ELOF1: variants seen among roughly 807,000 people sequenced by gnomAD.
ELOF1 encodes elongation factor 1.
ELOF1 carries 4 observed loss-of-function variants against 7.1 expected under a neutral mutation model. The observed-to-expected ratio is 0.56, with a 90% confidence interval of 0.28 to 1.29. The LOEUF (loss-of-function observed/expected upper bound fraction) is 1.29. ELOF1 is among the 50% of genes most tolerant of loss of function. ELOF1 has a pLI of 0.10. For missense variants in ELOF1, 59 were observed against 86.3 expected, an observed-to-expected ratio of 0.68 and a Z score of 1.25; for synonymous variants, 31 against 31.9, an observed-to-expected ratio of 0.97 and a Z score of 0.09.
At chr19:11,553,850 C>T (rs759074822) in intron 3 of ELOF1, 40 bp from the exon 4 acceptor site, 1 of 1,613,830 alleles carries the variant, frequency 6.2e-7, no homozygotes, top group Non-Finnish European at 8.5e-7. Flanking sequence ...GGCATTGGAA[C>T]CCTGCCCTGC....
rs752091371 is a variant in ELOF1 at position 11,554,101 on chromosome 19, G to A, written c.117-20C>T. On this transcript the variant is annotated intron_variant, in intron 2 of 3. Coordinates refer to ENST00000586683, the Ensembl canonical transcript of ELOF1. ...CGGTCCCTGAAACAGACCAAGAGAA[G>A]GGACTGGTGAGCAATGCGTCCTGGG... 2.4e-5 allele frequency: 38 copies of A among 1,614,106 alleles called. No homozygotes were observed. The highest frequency in any genetic ancestry group is 3.0e-5 in the Non-Finnish European group (35 of 1,180,052).
chr19:11,554,477 G>GC lies in ELOF1; in HGVS notation c.-18-113dup, dbSNP rs1370409858. The GC allele has an allele frequency of 2.8e-6, 4 of 1,449,166 alleles. No homozygotes were observed. The African/African-American group carries it at 5.7e-5, about 21-fold the overall frequency. The allele number at this position is 1,449,166 out of a possible 1,614,324, so 89.8% of individuals were successfully genotyped here. A position where few individuals can be genotyped will look rare whatever the true frequency, so the allele number is the denominator to read the frequency against. On this transcript the variant is annotated intron_variant, in intron 1 of 3. Transcript: ENST00000586683. The stretch of plus-strand genomic sequence containing the variant: ...CTGGGACTTGCACCGTGGTCCCGGG[G>GC]CCTCTGCCCTTGAGGGACGAGGCCC...
chr19:11,558,623 C>T (rs538232286), intron 1 of ELOF1, among the ~76,000 whole-genome samples: 1 of 151,168 alleles, frequency 6.6e-6, no homozygotes, highest in Non-Finnish European at 1.5e-5. Context: ...CCCAGCTACT[C>T]GGCAAGCTGA....
At chr19:11,558,461 T>A (rs1380784490) in intron 1 of ELOF1, among the ~76,000 whole-genome samples, 1 of 152,016 alleles carries the variant, frequency 6.6e-6, no homozygotes, top group Non-Finnish European at 1.5e-5. Context: ...CTTGTAACTC[T>A]ATCACTTTGG....
chr19:11,553,404 G>C, intron 3 of ELOF1: 1 of 466,856 alleles, frequency 2.1e-6, no homozygotes, highest in Non-Finnish European at 3.8e-6. Flanking sequence ...TGGGGGGCCA[G>C]GGGCTGCAGG....
chr19:11,553,937 T>C (rs749116401), intron 3 of ELOF1, 74 bp downstream of exon 3: 9 of 1,610,830 alleles, frequency 5.6e-6, no homozygotes, highest in Non-Finnish European at 7.6e-6. Context: ...GGGCACACAG[T>C]GGGCCAGATG....
chr19:11,553,407 G>A (rs1303679531), intron 3 of ELOF1: 4 of 476,074 alleles, frequency 8.4e-6, no homozygotes, highest in Non-Finnish European at 1.1e-5. Flanking sequence ...GGGGCCAGGG[G>A]CTGCAGGGAA....
chr19:11,553,508 CA>C, intron 3 of ELOF1: 1 of 615,438 alleles, frequency 1.6e-6, no homozygotes, highest in Non-Finnish European at 2.9e-6. Flanking sequence ...AGCACACACT[CA>C]CGGCCACCCC....
intron 1 of ELOF1, among the ~76,000 whole-genome samples, chr19:11,557,457 G>C (rs1223975907): frequency 6.6e-6 from 1 of 150,858 alleles, no homozygotes; most frequent in South Asian, 2.1e-4. Context: ...TTAGCTGGGC[G>C]TGGTGGCACA....
chr19:11,553,734 T>G (rs1226314068), intron 3 of ELOF1: 1 of 1,613,940 alleles, frequency 6.2e-7, no homozygotes. Context: ...AGGGGGCGGG[T>G]CCTCTGTGTC....
chr19:11,559,227 T>C (rs941016637), exon 1 of ELOF1: 1 of 152,530 alleles, frequency 6.6e-6, no homozygotes, highest in Admixed American at 6.5e-5. Flanking sequence ...ACCCGGGAGA[T>C]AGTGACTTCC....
At chr19:11,555,102 C>T (rs151089299) in intron 1 of ELOF1, 2,589 of 226,114 alleles carry the variant, frequency 0.011, 35 homozygotes, top group Non-Finnish European at 0.018. Flanking sequence ...ACTAAAAATA[C>T]AAAAATTAGC....
intron 1 of ELOF1, among the ~76,000 whole-genome samples, chr19:11,558,041 C>T (rs867663919): frequency 1.3e-5 from 2 of 152,150 alleles, no homozygotes; most frequent in South Asian, 4.1e-4. Flanking sequence ...ACACCTCCAC[C>T]TGATGTCTAA....
chr19:11,554,707 T>C lies in ELOF1; in HGVS notation c.-18-342A>G, dbSNP rs1243950121. 1.8e-5 allele frequency: 6 copies of C among 331,642 alleles called. No homozygotes were observed. The Admixed American group carries it at 2.2e-4, about 12-fold the overall frequency. 20.5% of individuals were successfully genotyped at this position (331,642 alleles called of 1,614,324 possible). On this transcript the variant is annotated intron_variant, in intron 1 of 3. Coordinates refer to ENST00000586683, the Ensembl canonical transcript of ELOF1. The stretch of plus-strand genomic sequence containing the variant: ...GATCCCAGCCAGCACTTTGGGAAGC[T>C]AAGGTGAGAGGATTACTTGATGCCA...
At chr19:11,554,351 T>G in exon 2 of ELOF1, 1 of 1,613,632 alleles carries the variant, frequency 6.2e-7, no homozygotes, top group Non-Finnish European at 8.5e-7. Flanking sequence ...GCCCCATGTC[T>G]GCAGGTGGAT....
intron 3 of ELOF1, chr19:11,553,534 CCACA>C (rs1972764033): frequency 1.6e-6 from 1 of 635,040 alleles, no homozygotes; most frequent in Non-Finnish European, 2.7e-6. Context: ...ACACGTGCAG[CCACA>C]CACACCCACA....
chr19:11,553,644 C>A, intron 3 of ELOF1: 1 of 1,293,304 alleles, frequency 7.7e-7, no homozygotes, highest in Non-Finnish European at 1.1e-6. Context: ...GCTGTGACAG[C>A]CCAGGACCCA....
intron 2 of ELOF1, 71 bp from the exon 3 acceptor site, chr19:11,554,152 A>C (rs1972788566): frequency 6.2e-7 from 1 of 1,614,014 alleles, no homozygotes; most frequent in Non-Finnish European, 8.5e-7. Context: ...GCCTTCACCA[A>C]GGGAGGCAAG....
intron 1 of ELOF1, 131 bp from the exon 2 acceptor site, chr19:11,554,496 G>T: frequency 1.0e-5 from 13 of 1,287,970 alleles, no homozygotes; most frequent in South Asian, 1.5e-5. Context: ...CTTGAGGGAC[G>T]AGGCCCTCAG....
Sources: allele counts gnomAD v4.1 joint callset (sites outside exome capture counted in the v4.1 genomes callset), GRCh38; gene constraint gnomAD v4.1.1; transcripts MANE v1.5; gene names NCBI Gene and HGNC (gene_info 2026-07-23, HGNC 2026-07-21).